ARHGAP15: variants seen among roughly 807,000 people sequenced by gnomAD.
ARHGAP15 encodes the protein rho GTPase-activating protein 15.
Under a neutral mutation model 63.7 loss-of-function variants are expected in ARHGAP15, and 51 were observed. That is an observed-to-expected ratio of 0.80 (90% confidence interval 0.64 to 1.01). ARHGAP15 has a LOEUF of 1.01. ARHGAP15 is among the 50% of genes least tolerant of loss of function. ARHGAP15 has a pLI of 0.00. For missense variants in ARHGAP15, 560 were observed against 564.6 expected, an observed-to-expected ratio of 0.99 and a Z score of 0.08; for synonymous variants, 191 against 193.8, an observed-to-expected ratio of 0.99 and a Z score of 0.12.
At chr2:143,406,794 G>A (rs1254732415) in intron 6 of ARHGAP15, among the ~76,000 whole-genome samples, 1 of 151,820 alleles carries the variant, frequency 6.6e-6, no homozygotes, top group Admixed American at 6.6e-5. Flanking sequence ...TTCATTGAGT[G>A]TGTTCTCTGT....
intron 10 of ARHGAP15, among the ~76,000 whole-genome samples, chr2:143,537,845 T>C: frequency 6.6e-6 from 1 of 152,164 alleles, no homozygotes; most frequent in Admixed American, 6.5e-5. Flanking sequence ...TGGCTTAGGA[T>C]TGACTTGGCA....
chr2:143,416,391 C>T (rs1348136727), intron 6 of ARHGAP15, among the ~76,000 whole-genome samples: 2 of 152,096 alleles, frequency 1.3e-5, no homozygotes, highest in African/African-American at 4.8e-5. Context: ...GTCCTGGGGA[C>T]CCTGCAAGCC....
At chr2:143,745,192 G>A (rs1234790460) in intron 13 of ARHGAP15, among the ~76,000 whole-genome samples, 1 of 152,200 alleles carries the variant, frequency 6.6e-6, no homozygotes, top group South Asian at 2.1e-4. Flanking sequence ...TGCTTCCATA[G>A]ATGTATCTGG....
intron 10 of ARHGAP15, among the ~76,000 whole-genome samples, chr2:143,525,491 G>C (rs1206125998): frequency 6.6e-6 from 1 of 151,094 alleles, no homozygotes; most frequent in Admixed American, 6.6e-5. Flanking sequence ...TGCTTTTCAT[G>C]CCTTATGTTA....
chr2:143,144,521 C>T (rs532073092), intron 1 of ARHGAP15, among the ~76,000 whole-genome samples: 1 of 151,894 alleles, frequency 6.6e-6, no homozygotes, highest in Non-Finnish European at 1.5e-5. Flanking sequence ...CCCAGATTGC[C>T]TAGGAGCTCT....
rs77779455 is a variant in ARHGAP15 at position 143,274,415 on chromosome 2, A to G, written c.474+23815A>G. ...ACTTCATTAAGTCACATTCTGTGGT[A>G]TAATGTTGCAAGTTTGGAAATGCAG... On this transcript the variant is annotated intron_variant, in intron 6 of 13. Coordinates refer to ENST00000295095, the MANE Select transcript of ARHGAP15 (RefSeq NM_018460.4). Among the ~76,000 whole-genome samples, 574 of 152,332 alleles carry G rather than the reference A, an allele frequency of 3.8e-3. 5 individuals are homozygous for G. The highest frequency in any genetic ancestry group is 0.013 in the African/African-American group (544 of 41,576).
rs192601448 is a variant in ARHGAP15 at position 143,277,339 on chromosome 2, T to C, written c.474+26739T>C. Reference sequence around the variant, plus strand: ...TAACTGGCAGACATGACTTGTTTGCTTTTGGAAAAAGGAATATGAGAAGGA... The same window carrying C: ...TAACTGGCAGACATGACTTGTTTGCCTTTGGAAAAAGGAATATGAGAAGGA... On this transcript the variant is annotated intron_variant, in intron 6 of 13. Coordinates refer to ENST00000295095, the MANE Select transcript of ARHGAP15 (RefSeq NM_018460.4). 8.1e-4 allele frequency among the ~76,000 whole-genome samples: 123 copies of C among 152,170 alleles called. 1 individual carries two copies. Among genetic ancestry groups the C allele is most frequent in the Admixed American group, 6.4e-3 (98 of 15,278 alleles).
At chr2:143,139,748 C>CT (rs1296278983) in intron 1 of ARHGAP15, among the ~76,000 whole-genome samples, 2 of 152,064 alleles carry the variant, frequency 1.3e-5, no homozygotes, top group African/African-American at 4.8e-5. Context: ...TTAAAACATA[C>CT]TTTTTCTCAA....
chr2:143,265,010 G>A (rs1337586264), intron 6 of ARHGAP15, among the ~76,000 whole-genome samples: 2 of 152,154 alleles, frequency 1.3e-5, no homozygotes, highest in African/African-American at 2.4e-5. Context: ...TAGGAAGGAT[G>A]CCAGGTTACA....
intron 6 of ARHGAP15, among the ~76,000 whole-genome samples, chr2:143,253,514 A>G (rs1680264909): frequency 6.6e-6 from 1 of 152,136 alleles, no homozygotes; most frequent in Non-Finnish European, 1.5e-5. Context: ...ATGTGGAAAC[A>G]TAACAATGAC....
intron 13 of ARHGAP15, among the ~76,000 whole-genome samples, chr2:143,730,326 C>T (rs930926076): frequency 3.9e-5 from 6 of 152,204 alleles, no homozygotes; most frequent in African/African-American, 1.4e-4. Context: ...ACACTGTAAT[C>T]GTATGTCTCT....
At chr2:143,537,453 C>T (rs1366770311) in intron 10 of ARHGAP15, among the ~76,000 whole-genome samples, 1 of 152,156 alleles carries the variant, frequency 6.6e-6, no homozygotes, top group East Asian at 1.9e-4. Flanking sequence ...AGTCCTTGCC[C>T]ATGCTTATGT....
intron 11 of ARHGAP15, among the ~76,000 whole-genome samples, chr2:143,581,862 G>A (rs1416853188): frequency 1.3e-5 from 2 of 152,140 alleles, no homozygotes; most frequent in Non-Finnish European, 2.9e-5. Flanking sequence ...TCCAAGGATT[G>A]GAGCTTCTCT....
chr2:143,262,535 ATTTTTTTT>A (rs67267617), intron 6 of ARHGAP15, among the ~76,000 whole-genome samples: 17 of 90,920 alleles, frequency 1.9e-4, no homozygotes, highest in Admixed American at 1.5e-3. Flanking sequence ...TGAACCTTTG[ATTTTTTTT>A]TTTTTTTTTT....
intron 6 of ARHGAP15, among the ~76,000 whole-genome samples, chr2:143,293,735 A>G (rs1018296409): frequency 2.6e-5 from 4 of 152,018 alleles, no homozygotes; most frequent in Non-Finnish European, 5.9e-5. Flanking sequence ...AACGGAAAGT[A>G]ATATTAATAT....
chr2:143,485,567 A>C (rs2105223368), intron 8 of ARHGAP15, among the ~76,000 whole-genome samples: 1 of 152,238 alleles, frequency 6.6e-6, no homozygotes, highest in South Asian at 2.1e-4. Context: ...TAATTTTTCC[A>C]ATCAGTTTAA....
chr2:143,392,810 T>TG (rs1468285168), intron 6 of ARHGAP15, among the ~76,000 whole-genome samples: 1 of 152,194 alleles, frequency 6.6e-6, no homozygotes, highest in Admixed American at 6.5e-5. Flanking sequence ...TTTGGGTGAC[T>TG]GGTCTAGTTT....
intron 6 of ARHGAP15, among the ~76,000 whole-genome samples, chr2:143,391,329 TA>T: frequency 6.6e-6 from 1 of 152,336 alleles, no homozygotes; most frequent in South Asian, 2.1e-4. Flanking sequence ...TTTCTTGGGA[TA>T]AATCAGGATA....
chr2:143,130,328 G>A (rs1432875841), intron 1 of ARHGAP15, among the ~76,000 whole-genome samples: 1 of 151,956 alleles, frequency 6.6e-6, no homozygotes, highest in African/African-American at 2.4e-5. Flanking sequence ...TAACATATGT[G>A]CAGAAAACAT....
Sources: gnomAD v4.1 joint callset for allele counts (sites outside exome capture counted in the v4.1 genomes callset) on GRCh38, gnomAD v4.1.1 for gene constraint, MANE v1.5 for transcripts, NCBI Gene and HGNC (gene_info 2026-07-23, HGNC 2026-07-21) for gene names.